The following DGKB variants were observed in gnomAD, a reference collection of about 807,000 sequenced individuals.
The protein encoded by DGKB is 90 kDa diacylglycerol kinase.
A neutral mutation model predicts 114.3 loss-of-function variants in DGKB; 67 were observed. That is an observed-to-expected ratio of 0.59 (90% confidence interval 0.48 to 0.72). The LOEUF is 0.72. Ranked by LOEUF, DGKB falls within the 30% of genes least tolerant of loss-of-function variation. The probability of loss-of-function intolerance (pLI) is 0.00; values close to 1 mark genes in which losing one functional copy is unlikely to be tolerated. For synonymous variants in DGKB, 398 were observed against 323.1 expected (o/e 1.23, Z -2.49); for missense variants, 907 against 975.2 (o/e 0.93, Z 0.93).
At chr7:14,907,145 G>T (rs747092680), upstream of DGKB, among the ~76,000 whole-genome samples, 3 of 152,124 alleles carry the variant, frequency 2.0e-5, no homozygotes, top group African/African-American at 7.2e-5. Flanking sequence ...ATTCAGAAAA[G>T]ACATGATATT....
chr7:14,891,217 T>C (rs970124204), intron 1 of DGKB, among the ~76,000 whole-genome samples: 1 of 151,330 alleles, frequency 6.6e-6, no homozygotes, highest in African/African-American at 2.4e-5. Context: ...TATACTACAA[T>C]ATAGTGCATT....
chr7:14,785,443 G>A (rs1456038465), intron 2 of DGKB, among the ~76,000 whole-genome samples: 1 of 151,904 alleles, frequency 6.6e-6, no homozygotes, highest in Non-Finnish European at 1.5e-5. Flanking sequence ...ATACATGTAT[G>A]TATATACATG....
chr7:14,246,972 A>G lies in DGKB; in HGVS notation c.2123-68821T>C, dbSNP rs367707271. ...TAAAGCTTTGTACCCTTTTTAAAAC[A>G]TAATATCCTAATTTCCCCAACTGCT... On this transcript the variant is annotated intron_variant, in intron 23 of 25. Coordinates refer to ENST00000402815, the MANE Select transcript of DGKB (RefSeq NM_001350709.2). Among the ~76,000 whole-genome samples, 113 of 152,256 alleles carry G rather than the reference A, an allele frequency of 7.4e-4. 1 individual carries two copies. The highest frequency in any genetic ancestry group is 2.5e-3 in the African/African-American group (105 of 41,568).
rs968649577 is a variant in DGKB, at chr7:14,323,229, T to C, written c.2122+15286A>G. ...TGCCATATAATTCTACTATAAAATA[T>C]AAAAACCAGAAACATTTATTCATGG... is the stretch of plus-strand genomic sequence containing the variant. On this transcript the variant is annotated intron_variant, in intron 23 of 25. Transcript: ENST00000402815. Among the ~76,000 whole-genome samples the C allele has an allele frequency of 3.9e-5, 6 of 152,124 alleles. No homozygotes were observed. The East Asian group carries it at 9.6e-4, about 24-fold the overall frequency.
intron 20 of DGKB, among the ~76,000 whole-genome samples, chr7:14,509,076 GTC>G (rs1787571183): frequency 6.6e-6 from 1 of 151,992 alleles, no homozygotes; most frequent in African/African-American, 2.4e-5. Context: ...ATGACATTTG[GTC>G]TCTCTTTTGA....
chr7:14,844,315 T>C (rs1432350621), intron 1 of DGKB, among the ~76,000 whole-genome samples: 1 of 152,222 alleles, frequency 6.6e-6, no homozygotes, highest in Non-Finnish European at 1.5e-5. Flanking sequence ...ATATGGAGGC[T>C]ATGTGTTAGG....
intron 2 of DGKB, among the ~76,000 whole-genome samples, chr7:14,788,927 C>G (rs960096521): frequency 6.6e-6 from 1 of 152,050 alleles, no homozygotes; most frequent in Admixed American, 6.6e-5. Context: ...GTCTTCTCCC[C>G]AAAGGTGGGA....
chr7:14,232,212 C>G (rs1489271358), intron 23 of DGKB, among the ~76,000 whole-genome samples: 1 of 151,800 alleles, frequency 6.6e-6, no homozygotes, highest in East Asian at 1.9e-4. Flanking sequence ...CATTCACGCT[C>G]CCTAGAATCC....
At chr7:14,249,992 T>C (rs564941882) in intron 23 of DGKB, among the ~76,000 whole-genome samples, 1 of 152,022 alleles carries the variant, frequency 6.6e-6, no homozygotes, top group African/African-American at 2.4e-5. Flanking sequence ...TCTTGTTACA[T>C]TACCCAGGCT....
intron 25 of DGKB, 26 bp from the exon 26 acceptor site, chr7:14,149,264 GAGAA>G (rs1246448134): frequency 6.6e-7 from 1 of 1,522,692 alleles, no homozygotes; most frequent in Admixed American, 1.7e-5. Flanking sequence ...GAGAGAGAGA[GAGAA>G]AGAATAGAGT....
At chr7:14,925,153 G>T (rs2128248626) in intron 1 of DGKB, among the ~76,000 whole-genome samples, 1 of 152,222 alleles carries the variant, frequency 6.6e-6, no homozygotes, top group Non-Finnish European at 1.5e-5. Context: ...TTGCCCCAAA[G>T]TCTGTTCAAC....
intron 20 of DGKB, among the ~76,000 whole-genome samples, chr7:14,483,866 G>A (rs1783362440): frequency 6.6e-6 from 1 of 152,054 alleles, no homozygotes; most frequent in Non-Finnish European, 1.5e-5. Context: ...CACCTCTGGA[G>A]GGAGCATAAA....
At chr7:14,900,165 G>T (rs1255571757) in intron 1 of DGKB, among the ~76,000 whole-genome samples, 1 of 152,136 alleles carries the variant, frequency 6.6e-6, no homozygotes, top group Non-Finnish European at 1.5e-5. Flanking sequence ...CTATCAAGTA[G>T]TTGAACCTAC....
chr7:14,650,353 C>T (rs1260389976), intron 13 of DGKB, among the ~76,000 whole-genome samples: 1 of 45,160 alleles, frequency 2.2e-5, no homozygotes, highest in Non-Finnish European at 4.3e-5. Flanking sequence ...CACTCAAAGC[C>T]GCTCAACTAC....
At chr7:14,259,381 C>T (rs915198659) in intron 23 of DGKB, among the ~76,000 whole-genome samples, 1 of 92,630 alleles carries the variant, frequency 1.1e-5, no homozygotes, top group Admixed American at 1.1e-4. Flanking sequence ...AGTAAAGTTT[C>T]TCTCTCTCTC....
intron 20 of DGKB, among the ~76,000 whole-genome samples, chr7:14,517,077 C>G (rs1788925786): frequency 6.6e-6 from 1 of 151,994 alleles, no homozygotes; most frequent in Non-Finnish European, 1.5e-5. Flanking sequence ...CACAGTAACC[C>G]AATCCGCATG....
chr7:14,234,274 A>C (rs1463162088), intron 23 of DGKB, among the ~76,000 whole-genome samples: 1 of 152,098 alleles, frequency 6.6e-6, no homozygotes, highest in Non-Finnish European at 1.5e-5. Flanking sequence ...ATGAAGTATA[A>C]GATAGTAACT....
intron 21 of DGKB, among the ~76,000 whole-genome samples, chr7:14,433,142 G>T (rs537560281): frequency 8.5e-5 from 13 of 152,256 alleles, no homozygotes; most frequent in East Asian, 3.9e-4. Context: ...CTGGGAGCAC[G>T]TCGTATCTAT....
At chr7:14,483,283 T>C (rs977918966) in intron 20 of DGKB, among the ~76,000 whole-genome samples, 5 of 152,180 alleles carry the variant, frequency 3.3e-5, no homozygotes, top group African/African-American at 1.2e-4. Context: ...TGTGATACTA[T>C]GCTTTTTTGC....
Sources: gnomAD v4.1 joint callset for allele counts (sites outside exome capture counted in the v4.1 genomes callset) on GRCh38, gnomAD v4.1.1 for gene constraint, MANE v1.5 for transcripts, NCBI Gene and HGNC (gene_info 2026-07-23, HGNC 2026-07-21) for gene names.